The following GRAMD1C variants were observed in gnomAD, a reference collection of about 807,000 sequenced individuals.
GRAMD1C encodes the protein GRAM domain containing 1C.
GRAMD1C carries 89 observed loss-of-function variants against 97.8 expected under a neutral mutation model. The ratio of observed to expected loss-of-function variants is 0.91; its 90% CI spans 0.77 to 1.09. The LOEUF is 1.09. GRAMD1C is among the 50% of genes least tolerant of loss of function. GRAMD1C has a pLI of 0.00. For synonymous variants in GRAMD1C, 256 were observed against 267.0 expected (o/e 0.96, Z 0.40); for missense variants, 740 against 766.4 (o/e 0.97, Z 0.41).
At chr3:113,838,089 T>G (rs760341350), upstream of GRAMD1C, among the ~76,000 whole-genome samples, 1 of 152,198 alleles carries the variant, frequency 6.6e-6, no homozygotes, top group African/African-American at 2.4e-5. Flanking sequence ...ATGAGGCATG[T>G]CCAATCCCCT....
At chr3:113,853,727 T>C (rs1934004592) in intron 2 of GRAMD1C, among the ~76,000 whole-genome samples, 1 of 152,192 alleles carries the variant, frequency 6.6e-6, no homozygotes. Flanking sequence ...AAACATGTAC[T>C]ATGTCAGGTA....
chr3:113,842,887 C>CG (rs1559773631), intron 1 of GRAMD1C, among the ~76,000 whole-genome samples: 1 of 151,224 alleles, frequency 6.6e-6, no homozygotes, highest in East Asian at 1.9e-4. Context: ...CGCTTGAACC[C>CG]GGGAGGTAGA....
chr3:113,921,354 T>C (rs948514501), intron 10 of GRAMD1C, among the ~76,000 whole-genome samples: 4 of 152,236 alleles, frequency 2.6e-5, no homozygotes, highest in African/African-American at 9.6e-5. Flanking sequence ...CTATCGTGAA[T>C]AGTGCTGTGA....
In GRAMD1C at chr3:113,838,861, T is replaced by TGCGGTGCGGTGCGC. The variant is rs1248522807; in HGVS notation, c.-44_-31dup. On this transcript the variant is annotated 5_prime_UTR_variant, in exon 1 of 18. Coordinates refer to ENST00000358160, the MANE Select transcript of GRAMD1C (RefSeq NM_017577.5). Reference sequence around the variant, plus strand: ...CGCGCTGGAGGTGGGCGCGGGGCGGTGCGGTGCGGTGCGCGCGGGGCGGTG... The same window carrying TGCGGTGCGGTGCGC: ...CGCGCTGGAGGTGGGCGCGGGGCGGTGCGGTGCGGTGCGCGCGGTGCGGTGCGCGCGGGGCGGTG... 3.3e-6 allele frequency: 4 copies of TGCGGTGCGGTGCGC among 1,208,662 alleles called. No homozygotes were observed. Among genetic ancestry groups the TGCGGTGCGGTGCGC allele is most frequent in the Admixed American group, 4.3e-5 (1 of 23,346 alleles). The allele number at this position is 1,208,662 out of a possible 1,614,324, so 74.9% of individuals were successfully genotyped here.
At chr3:113,858,315 C>T (rs1017234361) in intron 2 of GRAMD1C, among the ~76,000 whole-genome samples, 21 of 151,832 alleles carry the variant, frequency 1.4e-4, no homozygotes, top group African/African-American at 4.8e-4. Flanking sequence ...TCACTGCAGC[C>T]TCCACCTCCC....
Position 113,936,432 on chromosome 3 carries a change from G to T in GRAMD1C, c.1623G>T (p.Gly541=). 1.3e-6 allele frequency: 2 copies of T among 1,599,570 alleles called. No homozygotes were observed. The highest frequency in any genetic ancestry group is 1.7e-6 in the Non-Finnish European group (2 of 1,172,100). The change falls in exon 14 of 18, where the codon GGG becomes GGT. Residue 541 remains glycine (G), a synonymous_variant. Transcript: ENST00000358160. The stretch of plus-strand genomic sequence containing the variant: ...GAGATGTGGGCTTAGGTGCCAAAGG[G>T]GATATTACAGGTAGTTGTCACCTGG... ...SSGDVGLGAK[G]DITGKKKEME...
chr3:113,906,073 G>A (rs1288723426), intron 8 of GRAMD1C, among the ~76,000 whole-genome samples: 1 of 152,156 alleles, frequency 6.6e-6, no homozygotes. Context: ...AATGCAATAC[G>A]TTGCTCACAT....
upstream of GRAMD1C, among the ~76,000 whole-genome samples, chr3:113,837,122 C>T (rs1559770646): frequency 6.6e-6 from 1 of 151,162 alleles, no homozygotes; most frequent in East Asian, 1.9e-4. Context: ...CCCTCTCTCT[C>T]TCTTTCTTTC....
chr3:113,938,142 T>G lies in GRAMD1C; in HGVS notation c.1690T>G (p.Phe564Val). The change falls in exon 15 of 18, where the codon TTT becomes GTT. Residue 564 changes from phenylalanine (F) to valine (V), a missense_variant and splice_region_variant. By Grantham distance (50) the Phe-to-Val change is conservative. Coordinates refer to ENST00000358160, the MANE Select transcript of GRAMD1C (RefSeq NM_017577.5). ...CACTCTTATTGTGGTAATGAGTATT[T>G]TGTAAGTATTTGTTGTGAATGCTTA... Reference protein sequence around the residue: ...NVTLIVVMSIFVLLLVLLNVT... With the variant: ...NVTLIVVMSIVVLLLVLLNVT... 1 of 1,435,452 alleles carries G rather than the reference T, an allele frequency of 7.0e-7. No homozygotes were observed. Among genetic ancestry groups the G allele is most frequent in the Non-Finnish European group, 9.6e-7 (1 of 1,042,798 alleles). 88.9% of individuals were successfully genotyped at this position (1,435,452 alleles called of 1,614,324 possible).
At chr3:113,930,935 G>A in intron 11 of GRAMD1C, 103 bp downstream of exon 11, 1 of 620,224 alleles carries the variant, frequency 1.6e-6, no homozygotes, top group Non-Finnish European at 2.9e-6. Context: ...TAAACAAGTG[G>A]CAAGAAAAAA....
intron 2 of GRAMD1C, among the ~76,000 whole-genome samples, chr3:113,861,557 A>G (rs56778629): frequency 6.6e-6 from 1 of 152,036 alleles, no homozygotes; most frequent in African/African-American, 2.4e-5. Flanking sequence ...CAAGGAGTTC[A>G]TTAAGAAAAT....
At chr3:113,870,019 T>G (rs1934733779) in intron 3 of GRAMD1C, among the ~76,000 whole-genome samples, 1 of 152,146 alleles carries the variant, frequency 6.6e-6, no homozygotes, top group Non-Finnish European at 1.5e-5. Flanking sequence ...AGATATCCCA[T>G]GTTCTCACTC....
intron 5 of GRAMD1C, among the ~76,000 whole-genome samples, chr3:113,876,872 AAAG>A (rs1056249183): frequency 4.6e-5 from 7 of 151,898 alleles, no homozygotes; most frequent in Non-Finnish European, 1.0e-4. Context: ...AAAGAGAAAA[AAAG>A]AGGAGGGGTA....
intron 2 of GRAMD1C, among the ~76,000 whole-genome samples, chr3:113,866,522 TA>T (rs1934593515): frequency 6.6e-6 from 1 of 152,194 alleles, no homozygotes; most frequent in South Asian, 2.1e-4. Context: ...CGTTTACATT[TA>T]ATGTAGTTAT....
intron 2 of GRAMD1C, among the ~76,000 whole-genome samples, chr3:113,866,931 G>T (rs2465282): frequency 3.9e-5 from 6 of 152,182 alleles, no homozygotes; most frequent in Middle Eastern, 3.4e-3. Flanking sequence ...CGAGTTCAAG[G>T]GATTCTCCTG....
At chr3:113,849,871 G>A (rs1285922596) in intron 2 of GRAMD1C, among the ~76,000 whole-genome samples, 1 of 151,944 alleles carries the variant, frequency 6.6e-6, no homozygotes, top group African/African-American at 2.4e-5. Flanking sequence ...AGGGGCGGCC[G>A]GGCAGAGGCG....
At chr3:113,924,407 T>G (rs1459200662) in intron 10 of GRAMD1C, among the ~76,000 whole-genome samples, 1 of 152,196 alleles carries the variant, frequency 6.6e-6, no homozygotes, top group African/African-American at 2.4e-5. Context: ...CATGTGGGTG[T>G]TTAGCACTAT....
At chr3:113,930,067 G>A (rs920010023) in intron 10 of GRAMD1C, among the ~76,000 whole-genome samples, 2 of 152,124 alleles carry the variant, frequency 1.3e-5, no homozygotes, top group Non-Finnish European at 1.5e-5. Context: ...TTCTGTTCAA[G>A]TGGGTATTTA....
chr3:113,873,786 T>A (rs1254807332), intron 3 of GRAMD1C, among the ~76,000 whole-genome samples: 1 of 152,174 alleles, frequency 6.6e-6, no homozygotes, highest in Non-Finnish European at 1.5e-5. Flanking sequence ...CCCAAAGTAC[T>A]GGGATTGCAG....
Sources: gnomAD v4.1 joint callset for allele counts (sites outside exome capture counted in the v4.1 genomes callset) on GRCh38, gnomAD v4.1.1 for gene constraint, MANE v1.5 for transcripts, NCBI Gene and HGNC (gene_info 2026-07-23, HGNC 2026-07-21) for gene names.